C9orf43: variants seen among roughly 807,000 people sequenced by gnomAD.
The protein encoded by C9orf43 is chromosome 9 open reading frame 43.
In C9orf43, 45 loss-of-function variants were observed where a neutral mutation model predicts 59.1. The observed-to-expected ratio is 0.76, with a 90% confidence interval of 0.60 to 0.98. The LOEUF (loss-of-function observed/expected upper bound fraction) is 0.98, where lower values mean the gene tolerates loss of function less well. C9orf43 is among the 50% of genes least tolerant of loss of function. C9orf43 has a pLI of 0.00. For missense variants in C9orf43, 533 were observed against 554.9 expected (o/e 0.96, Z 0.40); for synonymous variants, 203 against 196.8 (o/e 1.03, Z -0.26).
At chr9:113,419,620 C>T (rs564339298) in intron 4 of C9orf43, among the ~76,000 whole-genome samples, 6,226 of 152,202 alleles carry the variant, frequency 0.041, 161 homozygotes, top group South Asian at 0.1. Flanking sequence ...CCTAACTATG[C>T]ACTCTAATAT....
At chr9:113,411,644 G>T (rs1350360549) in intron 1 of C9orf43, among the ~76,000 whole-genome samples, 1 of 151,894 alleles carries the variant, frequency 6.6e-6, no homozygotes, top group Admixed American at 6.6e-5. Context: ...TATTAAGTTC[G>T]TAGAAATTCT....
chr9:113,428,374 T>C, intron 12 of C9orf43, 151 bp downstream of exon 12: 1 of 830,714 alleles, frequency 1.2e-6, no homozygotes, highest in East Asian at 2.7e-5. Flanking sequence ...GGTCACTTAA[T>C]GCAGCTGGGC....
In C9orf43 at chr9:113,424,329, A is replaced by T. The variant is rs778384886; in HGVS notation, c.807+13A>T. ...CCTCACCCTGGAAGTAAGAGCTAGGAAACAGCAGGGAAGAAGCCTATGTGA... is the reference window on the plus strand; with the variant it reads ...CCTCACCCTGGAAGTAAGAGCTAGGTAACAGCAGGGAAGAAGCCTATGTGA... On this transcript the variant is annotated intron_variant, in intron 8 of 13. Transcript: ENST00000374165. 1 of 1,597,922 alleles carries T rather than the reference A, an allele frequency of 6.3e-7. No homozygotes were observed.
At chr9:113,419,245 A>G (rs1293996075) in intron 4 of C9orf43, 80 bp downstream of exon 4, 1 of 1,131,424 alleles carries the variant, frequency 8.8e-7, no homozygotes, top group African/African-American at 1.6e-5. Flanking sequence ...TTTATTTGAA[A>G]TTATTCCTCA....
chr9:113,417,899 C>T (rs1828427479), intron 3 of C9orf43, among the ~76,000 whole-genome samples: 1 of 152,092 alleles, frequency 6.6e-6, no homozygotes, highest in African/African-American at 2.4e-5. Flanking sequence ...AGTGTTAGGT[C>T]TTTATCTTTT....
intron 9 of C9orf43, 37 bp downstream of exon 9, chr9:113,425,113 TTTTCTGTTAGCCCACA>T (rs767647074): frequency 1.7e-5 from 27 of 1,593,044 alleles, no homozygotes; most frequent in African/African-American, 2.7e-5. Flanking sequence ...CTAAGCACCA[TTTTCTGTTAGCCCACA>T]TTTCTCATAC....
intron 8 of C9orf43, among the ~76,000 whole-genome samples, chr9:113,424,814 C>G (rs1381543590): frequency 6.6e-6 from 1 of 152,186 alleles, no homozygotes; most frequent in East Asian, 1.9e-4. Flanking sequence ...GCATGAGCCA[C>G]CATGCCTGGC....
chr9:113,429,351 G>A lies in C9orf43; in HGVS notation c.1351G>A (p.Glu451Lys). Reference protein sequence around the residue: ...LLRILQDTDDEDEEDQSSGAE With the variant: ...LLRILQDTDDKDEEDQSSGAE ...TAGGATTCTTCAGGACACTGATGAT[G>A]AGGATGAGGAGGACCAGTCCTCTGG... Residue 451 changes from glutamate to lysine, a missense_variant, in exon 14 of 14, where the codon GAG (glutamate) becomes AAG (lysine). Glu to Lys is a moderately conservative substitution (Grantham distance 56). Transcript: ENST00000374165. 12 of 1,614,192 alleles carry A rather than the reference G, an allele frequency of 7.4e-6. No individual in the cohort carries two copies. Among genetic ancestry groups the A allele is most frequent in the Non-Finnish European group, 9.3e-6 (11 of 1,180,032 alleles).
chr9:113,417,071 T>C (rs985712942), intron 3 of C9orf43, among the ~76,000 whole-genome samples: 1 of 152,242 alleles, frequency 6.6e-6, no homozygotes, highest in African/African-American at 2.4e-5. Flanking sequence ...AATGATTTTT[T>C]TGATTTGTTT....
chr9:113,429,541 C>T lies in C9orf43; in HGVS notation c.*155C>T, dbSNP rs1249476302. ...CCTTTACCAGGGCCTGAGCTCTGAGCTTAGGGATTCCATTTTCTTTGTTCA... is the reference window on the plus strand; with the variant it reads ...CCTTTACCAGGGCCTGAGCTCTGAGTTTAGGGATTCCATTTTCTTTGTTCA... On this transcript the variant is annotated 3_prime_UTR_variant, in exon 14 of 14. Transcript: ENST00000374165. 1.5e-5 allele frequency: 9 copies of T among 613,524 alleles called. No homozygotes were observed. The highest frequency in any genetic ancestry group is 2.6e-5 in the Non-Finnish European group (9 of 348,528). The allele number at this position is 613,524 out of a possible 1,614,324, so 38.0% of individuals were successfully genotyped here. A position where few individuals can be genotyped will look rare whatever the true frequency, so the allele number is the denominator to read the frequency against.
intron 3 of C9orf43, among the ~76,000 whole-genome samples, chr9:113,416,368 CAG>C (rs1270628848): frequency 6.6e-6 from 1 of 152,246 alleles, no homozygotes; most frequent in Admixed American, 6.5e-5. Context: ...CTCCTCTAAT[CAG>C]AGTCTTCTCT....
chr9:113,410,854 T>G lies in C9orf43; in HGVS notation c.-197T>G. On this transcript the variant is annotated 5_prime_UTR_variant, in exon 1 of 14. Transcript: ENST00000374165. ...CAACCCTAAGCGGTTTGGAATCTGC[T>G]TTGCTCTCACAGGACCTCAGCCCGT... 4 of 780,480 alleles carry G rather than the reference T, an allele frequency of 5.1e-6. No homozygotes were observed. Among genetic ancestry groups the G allele is most frequent in the Non-Finnish European group, 4.7e-6 (3 of 641,342 alleles). The allele number at this position is 780,480 out of a possible 1,614,324, so 48.3% of individuals were successfully genotyped here.
At chr9:113,428,696 A>G (rs1443493018) in intron 12 of C9orf43, among the ~76,000 whole-genome samples, 1 of 152,218 alleles carries the variant, frequency 6.6e-6, no homozygotes, top group Non-Finnish European at 1.5e-5. Context: ...AGTTGACTGC[A>G]GGGAATGGGA....
chr9:113,424,131 T>G, intron 7 of C9orf43, 35 bp from the exon 8 acceptor site: 2 of 1,552,178 alleles, frequency 1.3e-6, no homozygotes, highest in Non-Finnish European at 1.7e-6. Flanking sequence ...GGAAGAGCTG[T>G]TGCTGACTGT....
At chr9:113,421,931 G>A (rs956704136) in intron 5 of C9orf43, among the ~76,000 whole-genome samples, 3 of 152,072 alleles carry the variant, frequency 2.0e-5, no homozygotes, top group African/African-American at 7.2e-5. Flanking sequence ...GGCAGGCTAG[G>A]TCATGTGAGC....
chr9:113,429,025 G>A, intron 13 of C9orf43, 62 bp downstream of exon 13: 1 of 1,538,922 alleles, frequency 6.5e-7, no homozygotes. Flanking sequence ...TTGAACCTGT[G>A]TTGACCAGGA....
intron 3 of C9orf43, among the ~76,000 whole-genome samples, chr9:113,415,243 G>C (rs1472572475): frequency 6.6e-6 from 1 of 151,892 alleles, no homozygotes; most frequent in Non-Finnish European, 1.5e-5. Flanking sequence ...TCCTGGGTTC[G>C]AGTGATTCTC....
At chr9:113,412,760 G>A (rs1828217944) in intron 1 of C9orf43, among the ~76,000 whole-genome samples, 1 of 152,190 alleles carries the variant, frequency 6.6e-6, no homozygotes, top group South Asian at 2.1e-4. Context: ...CACCAAGTCA[G>A]GACCCCTCCC....
At chr9:113,422,265 G>T (rs1484342176) in intron 5 of C9orf43, among the ~76,000 whole-genome samples, 1 of 152,162 alleles carries the variant, frequency 6.6e-6, no homozygotes, top group Non-Finnish European at 1.5e-5. Flanking sequence ...TTGGATTCAT[G>T]CTATGAAAGT....
Sources: allele counts gnomAD v4.1 joint callset (sites outside exome capture counted in the v4.1 genomes callset), GRCh38; gene constraint gnomAD v4.1.1; transcripts MANE v1.5; gene names NCBI Gene and HGNC (gene_info 2026-07-23, HGNC 2026-07-21).